ARMH1: variants seen among roughly 807,000 people sequenced by gnomAD.
ARMH1 encodes armadillo like helical domain containing 1, also known as armadillo-like helical domain containing protein 1.
In ARMH1, 34 loss-of-function variants were observed where a neutral mutation model predicts 50.2. That is an observed-to-expected ratio of 0.68 (90% CI 0.51 to 0.90). ARMH1 has a LOEUF of 0.90. ARMH1 is among the 40% of genes least tolerant of loss of function. The pLI is 0.00. For synonymous variants in ARMH1, 221 were observed against 224.2 expected, an observed-to-expected ratio of 0.99 and a Z score of 0.13; for missense variants, 538 against 553.9, an observed-to-expected ratio of 0.97 and a Z score of 0.29.
At chr1:44,675,689 G>A (rs1231550222) in intron 1 of ARMH1, among the ~76,000 whole-genome samples, 1 of 151,158 alleles carries the variant, frequency 6.6e-6, no homozygotes, top group African/African-American at 2.4e-5. Flanking sequence ...GCCCAGTGTG[G>A]TGTCTCACCC....
chr1:44,691,892 G>A (rs1645671164), intron 2 of ARMH1, among the ~76,000 whole-genome samples: 1 of 152,184 alleles, frequency 6.6e-6, no homozygotes, highest in South Asian at 2.1e-4. Flanking sequence ...TTTGGGACAT[G>A]TTGAGTTTGA....
intron 6 of ARMH1, among the ~76,000 whole-genome samples, chr1:44,717,810 T>C (rs1291928700): frequency 6.6e-6 from 1 of 152,250 alleles, no homozygotes; most frequent in East Asian, 1.9e-4. Context: ...GATAGTCTTT[T>C]GTTGTCCTTT....
At chr1:44,687,934 T>C (rs1645529395) in intron 1 of ARMH1, among the ~76,000 whole-genome samples, 1 of 152,098 alleles carries the variant, frequency 6.6e-6, no homozygotes, top group Admixed American at 6.6e-5. Context: ...TAATGGCACA[T>C]TGAGTTTTGA....
chr1:44,722,047 A>T (rs1274055689), intron 6 of ARMH1: 1 of 152,160 alleles, frequency 6.6e-6, no homozygotes, highest in Admixed American at 6.5e-5. Flanking sequence ...CTCCTGACAA[A>T]GAAAAAAAGT....
intron 5 of ARMH1, among the ~76,000 whole-genome samples, chr1:44,703,377 T>A (rs751684096): frequency 7.2e-5 from 11 of 152,060 alleles, no homozygotes; most frequent in Admixed American, 3.9e-4. Flanking sequence ...CCCAGGCACC[T>A]GGCTGTTTGG....
intron 6 of ARMH1, among the ~76,000 whole-genome samples, chr1:44,714,319 C>T (rs1427016430): frequency 1.3e-5 from 2 of 150,428 alleles, no homozygotes; most frequent in African/African-American, 2.4e-5. Context: ...GGCCTGGTGG[C>T]TCATGCCTGT....
At position 44,681,618 on chromosome 1, in the gene ARMH1, T is replaced by C. The variant is rs1248732360; in HGVS notation, c.-23+6745T>C. On this transcript the variant is annotated intron_variant, in intron 1 of 11. Transcript: ENST00000535358. The surrounding 1 kb of genome is among the most constrained non-coding windows in gnomAD (Gnocchi z 4.3). Reference sequence around the variant, plus strand: ...GAGGGCCCTGAGAAGGCGGGGTGGATGGAGGCAGAGCTCTGGTAGATGGCT... The same window carrying C: ...GAGGGCCCTGAGAAGGCGGGGTGGACGGAGGCAGAGCTCTGGTAGATGGCT... Among the ~76,000 whole-genome samples, 5 of 152,048 alleles carry C rather than the reference T, an allele frequency of 3.3e-5. No individual in the cohort carries two copies. Among genetic ancestry groups the C allele is most frequent in the Non-Finnish European group, 7.4e-5 (5 of 68,000 alleles).
Position 44,701,133 on chromosome 1 carries a change from G to T in ARMH1, c.639+14G>T. 1 of 1,537,600 alleles carries T rather than the reference G, an allele frequency of 6.5e-7. No individual in the cohort carries two copies. Among genetic ancestry groups the T allele is most frequent in the Non-Finnish European group, 8.8e-7 (1 of 1,140,076 alleles). On this transcript the variant is annotated intron_variant, in intron 5 of 11. Coordinates refer to ENST00000535358, the MANE Select transcript of ARMH1 (RefSeq NM_001145636.2). ...AGGACTGCCCAGGTGAGCCAAGGCT[G>T]CATGCTCCTGTGGTTCTGATTCAGA...
At chr1:44,696,217 T>A (rs1645823956) in intron 2 of ARMH1, among the ~76,000 whole-genome samples, 1 of 152,244 alleles carries the variant, frequency 6.6e-6, no homozygotes, top group African/African-American at 2.4e-5. Context: ...TGAGCCAATC[T>A]GTCTCTACTT....
intron 3 of ARMH1, among the ~76,000 whole-genome samples, chr1:44,697,711 C>T (rs1645874966): frequency 1.3e-5 from 2 of 152,170 alleles, no homozygotes; most frequent in South Asian, 4.1e-4. Flanking sequence ...CATGCCCAGC[C>T]CCAAACGAAC....
intron 6 of ARMH1, among the ~76,000 whole-genome samples, chr1:44,712,820 C>A (rs185317167): frequency 6.6e-6 from 1 of 151,656 alleles, no homozygotes; most frequent in Non-Finnish European, 1.5e-5. Context: ...TGTGCCACCA[C>A]GCCCAGCTAA....
At chr1:44,725,026 C>T in intron 10 of ARMH1, 110 bp from the exon 11 acceptor site, 1 of 1,522,664 alleles carries the variant, frequency 6.6e-7, no homozygotes, top group Non-Finnish European at 8.8e-7. Flanking sequence ...CCTGCCCTTT[C>T]GGTCAGGCTG....
intron 6 of ARMH1, among the ~76,000 whole-genome samples, chr1:44,710,597 AG>A (rs1306393872): frequency 2.2e-5 from 3 of 135,222 alleles, no homozygotes; most frequent in Non-Finnish European, 4.7e-5. Context: ...CAACAGAGCA[AG>A]ACTCCGTCTC....
chr1:44,694,442 T>TA (rs1051917249), intron 2 of ARMH1, among the ~76,000 whole-genome samples: 3 of 152,100 alleles, frequency 2.0e-5, no homozygotes, highest in Non-Finnish European at 2.9e-5. Context: ...AATAGATCAG[T>TA]AAAACTAAGG....
chr1:44,720,986 G>A (rs1033019361), intron 6 of ARMH1, among the ~76,000 whole-genome samples: 15 of 151,916 alleles, frequency 9.9e-5, no homozygotes, highest in African/African-American at 3.4e-4. Flanking sequence ...GCAGTGAGCC[G>A]AGATCGTACC....
chr1:44,720,838 C>G (rs1647075652), intron 6 of ARMH1, among the ~76,000 whole-genome samples: 1 of 152,078 alleles, frequency 6.6e-6, no homozygotes, highest in South Asian at 2.1e-4. Context: ...GAGTTCAAGA[C>G]CAGCCTGGCC....
chr1:44,687,799 A>G (rs1645523432), intron 1 of ARMH1, among the ~76,000 whole-genome samples: 1 of 152,206 alleles, frequency 6.6e-6, no homozygotes, highest in Non-Finnish European at 1.5e-5. Flanking sequence ...ATGTTTGTTG[A>G]TGCTTCTTTT....
intron 6 of ARMH1, among the ~76,000 whole-genome samples, chr1:44,723,368 C>T (rs1281214811): frequency 6.6e-6 from 1 of 152,138 alleles, no homozygotes; most frequent in Non-Finnish European, 1.5e-5. Flanking sequence ...CACATGCAGC[C>T]GTGCCGAAAG....
chr1:44,725,244 C>A, intron 11 of ARMH1, 27 bp downstream of exon 11: 1 of 1,551,718 alleles, frequency 6.4e-7, no homozygotes, highest in Non-Finnish European at 8.7e-7. Flanking sequence ...GGAAGCCGGG[C>A]GCAGGCGCCG....
Sources: allele counts gnomAD v4.1 joint callset (sites outside exome capture counted in the v4.1 genomes callset), GRCh38; gene constraint gnomAD v4.1.1; non-coding constraint Gnocchi (gnomAD v3.1); transcripts MANE v1.5; gene names NCBI Gene and HGNC (gene_info 2026-07-23, HGNC 2026-07-21).